Variants in ARHGAP35 observed in about 807,000 individuals in gnomAD.
The protein encoded by ARHGAP35 is Rho GTPase activating protein 35, also known as rho GTPase-activating protein 35.
Under a neutral mutation model 111.1 loss-of-function variants are expected in ARHGAP35, and 15 were observed. That is an observed-to-expected ratio of 0.13 (90% CI 0.09 to 0.21). The LOEUF (loss-of-function observed/expected upper bound fraction) is 0.21, where lower values mean the gene tolerates loss of function less well. ARHGAP35 is among the 10% of genes least tolerant of loss of function. The pLI is 1.00. For synonymous variants in ARHGAP35, 643 were observed against 710.3 expected, an observed-to-expected ratio of 0.91 and a Z score of 1.51; for missense variants, 1,262 against 1,873.0, an observed-to-expected ratio of 0.67 and a Z score of 6.02.
intron 1 of ARHGAP35, among the ~76,000 whole-genome samples, chr19:46,872,833 A>T (rs2055894935): frequency 6.7e-6 from 1 of 149,678 alleles, no homozygotes; most frequent in South Asian, 2.1e-4. Context: ...GTGAGCCGAG[A>T]TTGTGCCACT....
intron 1 of ARHGAP35, among the ~76,000 whole-genome samples, chr19:46,911,749 G>A (rs1406520920): frequency 6.6e-6 from 1 of 152,106 alleles, no homozygotes; most frequent in Non-Finnish European, 1.5e-5. Flanking sequence ...GATTCAAAAA[G>A]ATTATAATCC....
intron 1 of ARHGAP35, among the ~76,000 whole-genome samples, chr19:46,907,090 T>TA (rs1270997384): frequency 3.9e-5 from 6 of 152,052 alleles, no homozygotes; most frequent in Admixed American, 6.5e-5. Flanking sequence ...AGACCCTGTC[T>TA]AAAAAAAAGA....
At chr19:46,979,748 T>G (rs544583656) in intron 3 of ARHGAP35, among the ~76,000 whole-genome samples, 28 of 152,282 alleles carry the variant, frequency 1.8e-4, no homozygotes, top group Admixed American at 1.7e-3. Context: ...CTTGTGGCAC[T>G]CACACCCAGT....
chr19:46,951,440 T>G (rs1320476634), intron 3 of ARHGAP35, among the ~76,000 whole-genome samples: 3 of 147,604 alleles, frequency 2.0e-5, no homozygotes, highest in African/African-American at 7.3e-5. Flanking sequence ...GCCATGTGTG[T>G]TTTGATGGCC....
intron 3 of ARHGAP35, among the ~76,000 whole-genome samples, chr19:46,956,303 G>A (rs1443675846): frequency 6.6e-6 from 1 of 151,960 alleles, no homozygotes; most frequent in Non-Finnish European, 1.5e-5. Context: ...GGGTGATAGA[G>A]CAAGACCCTG....
rs781152214 is a variant in ARHGAP35 at position 46,919,821 on chromosome 19, G to A, written c.1146G>A (p.Val382=). The A allele has an allele frequency of 1.4e-5, 22 of 1,613,906 alleles. 1 individual carries two copies. The highest frequency in any genetic ancestry group is 5.0e-5 in the Admixed American group (3 of 60,004). ...TKPEFLKWFV[V]LEETPWDATS... is the part of the protein sequence containing the mutation. The stretch of plus-strand genomic sequence containing the variant: ...CAGAATTCTTGAAGTGGTTTGTTGT[G>A]CTTGAAGAGACCCCATGGGATGCCA... Residue 382 remains valine, a synonymous_variant, in exon 2 of 7, where the codon GTG becomes GTA. Transcript: ENST00000672722. The surrounding 1 kb of genome is among the most constrained non-coding windows in gnomAD (Gnocchi z 6.2).
chr19:46,869,968 A>T (rs997926181), intron 1 of ARHGAP35, among the ~76,000 whole-genome samples: 1 of 142,670 alleles, frequency 7.0e-6, no homozygotes, highest in African/African-American at 2.6e-5. Context: ...TTTTTTTGAA[A>T]CAGAGTCTTG....
rs1206913654 is a variant in ARHGAP35, at chr19:47,004,502, AAC to A, written c.*3816_*3817del. 6.5e-6 allele frequency: 1 copy of A among 152,690 alleles called. No homozygotes were observed. Among genetic ancestry groups the A allele is most frequent in the African/African-American group, 2.4e-5 (1 of 41,466 alleles). The allele number at this position is 152,690 out of a possible 1,614,324, so 9.5% of individuals were successfully genotyped here. A position where few individuals can be genotyped will look rare whatever the true frequency, so the allele number is the denominator to read the frequency against. On this transcript the variant is annotated 3_prime_UTR_variant, in exon 7 of 7. Transcript: ENST00000672722. ...GTTCCCTGTGTACATTTAAGAAAAA[AAC>A]AAAAAAACGGAAATGTCAGAATTGT...
intron 1 of ARHGAP35, among the ~76,000 whole-genome samples, chr19:46,879,199 AG>A (rs1369326391): frequency 6.6e-6 from 1 of 152,184 alleles, no homozygotes; most frequent in Non-Finnish European, 1.5e-5. Context: ...GCTTAACGCC[AG>A]TAATCCCAGC....
At chr19:46,888,005 G>A (rs895005004) in intron 1 of ARHGAP35, among the ~76,000 whole-genome samples, 4 of 149,484 alleles carry the variant, frequency 2.7e-5, no homozygotes, top group Non-Finnish European at 4.4e-5. Flanking sequence ...AGGCTGGAGT[G>A]CAGTGGCACG....
At chr19:46,883,402 A>G (rs556527201) in intron 1 of ARHGAP35, among the ~76,000 whole-genome samples, 10 of 152,140 alleles carry the variant, frequency 6.6e-5, no homozygotes, top group South Asian at 4.2e-4. Flanking sequence ...TGCCCGGCCA[A>G]TTGGCCTAAT....
chr19:46,982,711 T>C (rs1311698914), intron 3 of ARHGAP35, among the ~76,000 whole-genome samples: 5 of 152,106 alleles, frequency 3.3e-5, no homozygotes, highest in East Asian at 1.9e-4. Context: ...TGTGGTTCGC[T>C]GGCCAGCAGC....
intron 3 of ARHGAP35, among the ~76,000 whole-genome samples, chr19:46,956,129 G>T (rs566585996): frequency 6.6e-5 from 10 of 152,256 alleles, no homozygotes; most frequent in Admixed American, 6.5e-4. Flanking sequence ...ACCAGCATGG[G>T]CAAGATGGAG....
In ARHGAP35 at chr19:46,999,140, G is replaced by A; in HGVS notation, c.4037-164G>A. ...GCCAGACCCCTGGGCCAGTGCCACT[G>A]CCAGGTGTGCCAGCCTTGGGCACAG... On this transcript the variant is annotated intron_variant, in intron 5 of 6. Transcript: ENST00000672722. This position sits in a 1 kb window ranked among gnomAD's most constrained non-coding sequence, Gnocchi z 5.4. 1 of 602,324 alleles carries A rather than the reference G, an allele frequency of 1.7e-6. No individual in the cohort carries two copies. Among genetic ancestry groups the A allele is most frequent in the Non-Finnish European group, 3.0e-6 (1 of 338,888 alleles). The allele number at this position is 602,324 out of a possible 1,614,324, so 37.3% of individuals were successfully genotyped here.
rs375899794 is a variant in ARHGAP35 at position 46,920,817 on chromosome 19, G to A, written c.2142G>A (p.Leu714=). ...GAGGAGACACCAGTGGAGAGACTCT[G>A]CATAGCTTAATACAGCAAGGTCAAC... ...NKRGDTSGET[L]HSLIQQGQQI... The change falls in exon 2 of 7, where the codon CTG becomes CTA. Residue 714 remains leucine, a synonymous_variant. Transcript: ENST00000672722. The surrounding 1 kb of genome is among the most constrained non-coding windows in gnomAD (Gnocchi z 7.0). 2 of 1,611,902 alleles carry A rather than the reference G, an allele frequency of 1.2e-6. No homozygotes were observed. Among genetic ancestry groups the A allele is most frequent in the Non-Finnish European group, 1.7e-6 (2 of 1,178,918 alleles).
intron 1 of ARHGAP35, among the ~76,000 whole-genome samples, chr19:46,915,028 C>T (rs889811071): frequency 1.2e-4 from 18 of 152,310 alleles, no homozygotes; most frequent in African/African-American, 4.3e-4. Context: ...GGACCCATGA[C>T]TTCCTCAACC....
chr19:46,975,010 A>C (rs2056571923), intron 3 of ARHGAP35, among the ~76,000 whole-genome samples: 1 of 152,136 alleles, frequency 6.6e-6, no homozygotes, highest in South Asian at 2.1e-4. Flanking sequence ...AGCTAGGATT[A>C]CAGGCGCATG....
At chr19:46,982,066 G>A (rs1010856688) in intron 3 of ARHGAP35, among the ~76,000 whole-genome samples, 4 of 152,114 alleles carry the variant, frequency 2.6e-5, no homozygotes, top group Non-Finnish European at 5.9e-5. Context: ...GCCCAGGTTG[G>A]TCTCGAACTG....
intron 1 of ARHGAP35, among the ~76,000 whole-genome samples, chr19:46,911,193 C>G (rs2056136054): frequency 6.6e-6 from 1 of 152,188 alleles, no homozygotes; most frequent in East Asian, 1.9e-4. Flanking sequence ...CCTCTCCAAA[C>G]TCTGCCAGTC....
Sources: gnomAD v4.1 joint callset for allele counts (sites outside exome capture counted in the v4.1 genomes callset) on GRCh38, gnomAD v4.1.1 for gene constraint, Gnocchi (gnomAD v3.1) non-coding constraint, MANE v1.5 for transcripts, NCBI Gene and HGNC (gene_info 2026-07-23, HGNC 2026-07-21) for gene names.